C12orf54: variants seen among roughly 807,000 people sequenced by gnomAD.
C12orf54 encodes the protein chromosome 12 open reading frame 54, also known as uncharacterized protein C12orf54.
Under a neutral mutation model 26.4 loss-of-function variants are expected in C12orf54, and 24 were observed. The observed-to-expected ratio is 0.91, with a 90% confidence interval of 0.66 to 1.28. C12orf54 has a LOEUF of 1.28. Among genes scored for constraint, C12orf54 ranks in the 50% most tolerant of loss-of-function variants. The pLI, the probability that C12orf54 is intolerant of heterozygous loss-of-function variation, is 0.00. For synonymous variants in C12orf54, 54 were observed against 47.0 expected (o/e 1.15, Z -0.61); for missense variants, 154 against 150.9 (o/e 1.02, Z -0.11).
the C12orf54 span, among the ~76,000 whole-genome samples, chr12:48,457,556 A>G: frequency 6.6e-6 from 1 of 151,550 alleles, no homozygotes; most frequent in Admixed American, 6.6e-5. Context: ...CTGGTCTCGA[A>G]CTCCTGACCT....
At chr12:48,436,823 T>C in the C12orf54 span, among the ~76,000 whole-genome samples, 3 of 152,010 alleles carry the variant, frequency 2.0e-5, no homozygotes, top group South Asian at 2.1e-4. Flanking sequence ...AAAATTGACA[T>C]GCTAATATCA....
upstream of C12orf54, among the ~76,000 whole-genome samples, chr12:48,478,302 G>A (rs1235095610): frequency 6.6e-6 from 1 of 152,082 alleles, no homozygotes; most frequent in African/African-American, 2.4e-5. Flanking sequence ...TACTGAACGG[G>A]CAAAAACTCA....
At chr12:48,457,944 C>T in the C12orf54 span, among the ~76,000 whole-genome samples, 2 of 152,176 alleles carry the variant, frequency 1.3e-5, no homozygotes, top group African/African-American at 4.8e-5. Flanking sequence ...AGCAGCTTCT[C>T]CCTCCTCTGA....
At chr12:48,436,456 A>AT in the C12orf54 span, among the ~76,000 whole-genome samples, 6 of 152,020 alleles carry the variant, frequency 3.9e-5, no homozygotes, top group African/African-American at 7.2e-5. Context: ...CACAATATAC[A>AT]TTTTTTTCAG....
chr12:48,451,649 G>T, the C12orf54 span, among the ~76,000 whole-genome samples: 1 of 152,242 alleles, frequency 6.6e-6, no homozygotes, highest in East Asian at 1.9e-4. Context: ...AAAGTCTCAG[G>T]ATACAAAGTT....
chr12:48,488,198 GC>G, intron 4 of C12orf54: 2 of 707,164 alleles, frequency 2.8e-6, no homozygotes, highest in Non-Finnish European at 5.3e-6. Flanking sequence ...ACCTTCATTG[GC>G]CCCTGGAGTC....
At chr12:48,474,408 G>A in the C12orf54 span, among the ~76,000 whole-genome samples, 1 of 152,190 alleles carries the variant, frequency 6.6e-6, no homozygotes, top group Middle Eastern at 3.2e-3. Flanking sequence ...GACAGTGGGT[G>A]CAGCACACAG....
chr12:48,434,161 A>G, the C12orf54 span, among the ~76,000 whole-genome samples: 1 of 152,168 alleles, frequency 6.6e-6, no homozygotes. Flanking sequence ...AGCCTCGCTC[A>G]TTGCGAGCAC....
At chr12:48,492,697 C>G (rs1361859048) in intron 6 of C12orf54, among the ~76,000 whole-genome samples, 1 of 152,208 alleles carries the variant, frequency 6.6e-6, no homozygotes, top group African/African-American at 2.4e-5. Context: ...AAACATTTCT[C>G]TAACTCAGTT....
the C12orf54 span, among the ~76,000 whole-genome samples, chr12:48,457,293 G>T: frequency 1.8e-3 from 272 of 151,692 alleles, 1 homozygote; most frequent in African/African-American, 4.4e-3. Flanking sequence ...GTTGGTGGTG[G>T]TGGTGGTGGT....
At chr12:48,454,103 T>G in the C12orf54 span, among the ~76,000 whole-genome samples, 3,333 of 145,146 alleles carry the variant, frequency 0.023, 70 homozygotes, top group Non-Finnish European at 0.035. Flanking sequence ...TTTGTTTTTT[T>G]TTTTTTTTTT....
At chr12:48,436,501 A>T in the C12orf54 span, among the ~76,000 whole-genome samples, 1 of 152,196 alleles carries the variant, frequency 6.6e-6, no homozygotes, top group Admixed American at 6.5e-5. Context: ...TTGACCACAT[A>T]GTTGGAAGTA....
chr12:48,425,415 T>G, the C12orf54 span, among the ~76,000 whole-genome samples: 1 of 152,116 alleles, frequency 6.6e-6, no homozygotes, highest in South Asian at 2.1e-4. Context: ...TCTCGTTCCT[T>G]TTTATGATTG....
intron 5 of C12orf54, among the ~76,000 whole-genome samples, chr12:48,490,014 G>T (rs138059520): frequency 3.1e-4 from 47 of 152,158 alleles, no homozygotes; most frequent in African/African-American, 9.4e-4. Flanking sequence ...GAGCCACCCC[G>T]CTCAGCCAAG....
the C12orf54 span, among the ~76,000 whole-genome samples, chr12:48,460,209 TG>T: frequency 0.15 from 22,063 of 152,074 alleles, 2,814 homozygotes; most frequent in East Asian, 0.66. Flanking sequence ...GAGTTGATTT[TG>T]GGGGTCATAC....
chr12:48,455,659 G>A, the C12orf54 span, among the ~76,000 whole-genome samples: 1 of 152,196 alleles, frequency 6.6e-6, no homozygotes, highest in South Asian at 2.1e-4. Context: ...AGCACCTAAA[G>A]ATCAGTGAGC....
chr12:48,458,846 C>A, the C12orf54 span, among the ~76,000 whole-genome samples: 13 of 152,082 alleles, frequency 8.5e-5, no homozygotes, highest in African/African-American at 3.1e-4. Flanking sequence ...CTCTAGTCTT[C>A]ATTGAAACAT....
the C12orf54 span, among the ~76,000 whole-genome samples, chr12:48,437,357 T>C: frequency 6.6e-6 from 1 of 152,224 alleles, no homozygotes; most frequent in Non-Finnish European, 1.5e-5. Flanking sequence ...TCTGAAACTA[T>C]TCCAATCAGT....
the C12orf54 span, among the ~76,000 whole-genome samples, chr12:48,447,232 G>A: frequency 6.6e-6 from 1 of 151,978 alleles, no homozygotes; most frequent in Non-Finnish European, 1.5e-5. Context: ...GTGTGTGTGT[G>A]TGTGTGTGTG....
Sources: allele counts gnomAD v4.1 joint callset (sites outside exome capture counted in the v4.1 genomes callset), GRCh38; gene constraint gnomAD v4.1.1; transcripts MANE v1.5; gene names NCBI Gene and HGNC (gene_info 2026-07-23, HGNC 2026-07-21).